SLC23A2: variants seen among roughly 807,000 people sequenced by gnomAD.
SLC23A2 encodes the protein Na(+)/L-ascorbic acid transporter 2.
In SLC23A2, 36 loss-of-function variants were observed where a neutral mutation model predicts 73.3. The ratio of observed to expected loss-of-function variants is 0.49; its 90% CI spans 0.38 to 0.65. SLC23A2 has a LOEUF of 0.65. Ranked by LOEUF, SLC23A2 falls within the 30% of genes least tolerant of loss-of-function variation. The pLI is 0.00. For missense variants in SLC23A2, 507 were observed against 841.6 expected, an observed-to-expected ratio of 0.60 and a Z score of 4.92; for synonymous variants, 343 against 327.3, an observed-to-expected ratio of 1.05 and a Z score of -0.52.
At chr20:4,913,084 TG>T (rs1169705848) in intron 3 of SLC23A2, 106 bp from the exon 4 acceptor site, 1 of 758,024 alleles carries the variant, frequency 1.3e-6, no homozygotes, top group Non-Finnish European at 2.3e-6. Context: ...GGCATGGTTT[TG>T]ATGGAGAAAC....
At chr20:4,935,797 T>G (rs1239570322) in intron 2 of SLC23A2, among the ~76,000 whole-genome samples, 1 of 151,742 alleles carries the variant, frequency 6.6e-6, no homozygotes, top group Non-Finnish European at 1.5e-5. Flanking sequence ...AGACTCCATC[T>G]CAAAAAAAAA....
chr20:4,985,273 A>G (rs911302840), intron 1 of SLC23A2, among the ~76,000 whole-genome samples: 6 of 152,228 alleles, frequency 3.9e-5, no homozygotes, highest in African/African-American at 1.4e-4. Flanking sequence ...CATTATTTAT[A>G]ACAGGCAAAT....
rs1192473231 is a variant in SLC23A2, at chr20:4,941,330, A to G, written c.-154-8614T>C. On this transcript the variant is annotated intron_variant, in intron 2 of 16. Transcript: ENST00000338244. ...GATTGCTTGAGGCCAAGAGTTCAAGATCAGCCTGGGCAACATAGTAAGATT... is the reference window on the plus strand; with the variant it reads ...GATTGCTTGAGGCCAAGAGTTCAAGGTCAGCCTGGGCAACATAGTAAGATT... 2.6e-5 allele frequency among the ~76,000 whole-genome samples: 4 copies of G among 152,200 alleles called. No individual in the cohort carries two copies. The East Asian group carries it at 7.7e-4, about 29-fold the overall frequency.
chr20:4,915,060 T>TA (rs34853888), intron 3 of SLC23A2, among the ~76,000 whole-genome samples: 18,621 of 150,922 alleles, frequency 0.12, 1,508 homozygotes, highest in Non-Finnish European at 0.17. Context: ...ATGTACTAAT[T>TA]AAAAAAAAAC....
chr20:4,890,104 T>G (rs1931273200), intron 6 of SLC23A2, among the ~76,000 whole-genome samples: 1 of 152,088 alleles, frequency 6.6e-6, no homozygotes, highest in Non-Finnish European at 1.5e-5. Flanking sequence ...ACTAAACTGT[T>G]AATGAAAATG....
At chr20:4,986,168 C>T (rs563162431) in intron 1 of SLC23A2, among the ~76,000 whole-genome samples, 55 of 152,104 alleles carry the variant, frequency 3.6e-4, no homozygotes, top group African/African-American at 1.2e-3. Flanking sequence ...TCAGAGTACA[C>T]GGCCTAAAAG....
chr20:4,906,936 G>A (rs921908033), intron 4 of SLC23A2, among the ~76,000 whole-genome samples: 1 of 152,156 alleles, frequency 6.6e-6, no homozygotes, highest in African/African-American at 2.4e-5. Context: ...GTGAAGAGGT[G>A]GGCTGGCTGA....
At position 4,868,776 on chromosome 20, in the gene SLC23A2, C is replaced by G. The variant is rs1397413486; in HGVS notation, c.1251-901G>C. ...TGGGGTTACAGAGCTGGCTGGAGAA[C>G]AGGAGGGGATCTGGGCTGTTTTCTT... On this transcript the variant is annotated intron_variant, in intron 12 of 16. Transcript: ENST00000338244. The surrounding 1 kb of genome is among the most constrained non-coding windows in gnomAD (Gnocchi z 4.4). Among the ~76,000 whole-genome samples, 2 of 152,166 alleles carry G rather than the reference C, an allele frequency of 1.3e-5. No homozygotes were observed. Among genetic ancestry groups the G allele is most frequent in the Non-Finnish European group, 2.9e-5 (2 of 68,026 alleles).
chr20:4,984,871 G>A (rs1453112298), intron 1 of SLC23A2, among the ~76,000 whole-genome samples: 2 of 152,168 alleles, frequency 1.3e-5, no homozygotes, highest in African/African-American at 4.8e-5. Context: ...AGGCATGGTG[G>A]CTCACGCCTG....
At chr20:4,923,137 T>A (rs1228065980) in intron 3 of SLC23A2, among the ~76,000 whole-genome samples, 1 of 151,730 alleles carries the variant, frequency 6.6e-6, no homozygotes, top group Non-Finnish European at 1.5e-5. Context: ...CTGGGTGTGG[T>A]GGCTTATGCC....
Position 4,965,119 on chromosome 20 carries a change from T to A in SLC23A2, c.-155+5674A>T, listed in dbSNP as rs914905543. 2.6e-5 allele frequency among the ~76,000 whole-genome samples: 4 copies of A among 152,050 alleles called. No homozygotes were observed. The East Asian group carries it at 7.7e-4, about 29-fold the overall frequency. ...GAGAAATTCTGGCAGTCAACACCAG[T>A]GCTGAGAAAAAACACCCTATTGATA... On this transcript the variant is annotated intron_variant, in intron 2 of 16. Coordinates refer to ENST00000338244, the MANE Select transcript of SLC23A2 (RefSeq NM_005116.6).
chr20:4,947,917 T>A lies in SLC23A2; in HGVS notation c.-154-15201A>T, dbSNP rs542111660. On this transcript the variant is annotated intron_variant, in intron 2 of 16. Transcript: ENST00000338244. The surrounding 1 kb of genome is among the most constrained non-coding windows in gnomAD (Gnocchi z 4.4). ...CAGGTCTCCAGATGCCTTTTGTCAT[T>A]TGATGCTCCCCCTGGCTCACCCAAT... 4.7e-4 allele frequency among the ~76,000 whole-genome samples: 72 copies of A among 152,314 alleles called. No individual in the cohort carries two copies. The highest frequency in any genetic ancestry group is 1.7e-3 in the African/African-American group (72 of 41,580).
In SLC23A2 at chr20:4,857,715, G is replaced by A. The variant is rs117115740; in HGVS notation, c.1721-511C>T. Among the ~76,000 whole-genome samples, 1,023 of 152,256 alleles carry A rather than the reference G, an allele frequency of 6.7e-3. 8 individuals are homozygous for A. The highest frequency in any genetic ancestry group is 0.029 in the South Asian group (142 of 4,820). ...GGAGGCCGAGGTGAGAGGATCACAT[G>A]AAGTCAGGAGTTCGAGACCAGCCTA... On this transcript the variant is annotated intron_variant, in intron 16 of 16. Transcript: ENST00000338244. The surrounding 1 kb of genome is among the most constrained non-coding windows in gnomAD (Gnocchi z 4.0).
At position 4,900,249 on chromosome 20, in the gene SLC23A2, C is replaced by T. The variant is rs1401453449; in HGVS notation, c.325-537G>A. ...ACTTATTACTTGGATGAATCCATGCCTCACAAAGGAAACAGTCAATATCAG... is the reference window on the plus strand; with the variant it reads ...ACTTATTACTTGGATGAATCCATGCTTCACAAAGGAAACAGTCAATATCAG... On this transcript the variant is annotated intron_variant, in intron 5 of 16. Transcript: ENST00000338244. 2.0e-5 allele frequency among the ~76,000 whole-genome samples: 3 copies of T among 152,204 alleles called. No homozygotes were observed. The East Asian group carries it at 5.8e-4, about 29-fold the overall frequency.
Position 4,996,709 on chromosome 20 carries a change from AC to A in SLC23A2, c.-282+4696del, listed in dbSNP as rs36119942. ...TCAAAAAAAAAAAAAAAAAAAAAAA[AC>A]AACAACTCATGAGTGAAGATTTTCC... On this transcript the variant is annotated intron_variant, in intron 1 of 16. Coordinates refer to ENST00000338244, the MANE Select transcript of SLC23A2 (RefSeq NM_005116.6). Among the ~76,000 whole-genome samples, 382 of 71,784 alleles carry A rather than the reference AC, an allele frequency of 5.3e-3. 1 individual carries two copies. The highest frequency in any genetic ancestry group is 7.7e-3 in the East Asian group (18 of 2,340). The allele number at this position is 71,784 out of a possible 152,430, so 47.1% of individuals were successfully genotyped here. A position where few individuals can be genotyped will look rare whatever the true frequency, so the allele number is the denominator to read the frequency against.
At chr20:4,962,459 G>A (rs929857385) in intron 2 of SLC23A2, among the ~76,000 whole-genome samples, 3 of 152,196 alleles carry the variant, frequency 2.0e-5, no homozygotes, top group African/African-American at 7.2e-5. Flanking sequence ...GGGGAGGAAT[G>A]AGAGCTAGGG....
chr20:4,872,764 C>CT lies in SLC23A2; in HGVS notation c.1102+1171dup, dbSNP rs35350494. ...AGAAAGTTATTTTAGAAAGATGAAA[C>CT]TTTTTTTTTTGAGACAGTCTTGCTC... On this transcript the variant is annotated intron_variant, in intron 11 of 16. Coordinates refer to ENST00000338244, the MANE Select transcript of SLC23A2 (RefSeq NM_005116.6). The surrounding 1 kb of genome is among the most constrained non-coding windows in gnomAD (Gnocchi z 4.4). Among the ~76,000 whole-genome samples the CT allele has an allele frequency of 0.23, 34,167 of 150,448 alleles. 3,906 individuals carry two copies. Among genetic ancestry groups the CT allele is most frequent in the South Asian group, 0.28 (1,344 of 4,750 alleles).
chr20:5,005,474 T>G (rs1028523595), upstream of SLC23A2, among the ~76,000 whole-genome samples: 16 of 152,206 alleles, frequency 1.1e-4, no homozygotes, highest in African/African-American at 3.9e-4. Flanking sequence ...CTGGTTAATT[T>G]GATTGAAATT....
chr20:4,871,692 T>G (rs1390136587), intron 11 of SLC23A2, among the ~76,000 whole-genome samples: 1 of 152,060 alleles, frequency 6.6e-6, no homozygotes, highest in Non-Finnish European at 1.5e-5. Context: ...AGGCGGCCCT[T>G]GGTCAGGGGT....
Sources: allele counts gnomAD v4.1 joint callset (sites outside exome capture counted in the v4.1 genomes callset), GRCh38; gene constraint gnomAD v4.1.1; non-coding constraint Gnocchi (gnomAD v3.1); transcripts MANE v1.5; gene names NCBI Gene and HGNC (gene_info 2026-07-23, HGNC 2026-07-21).